Variants in MBD5 observed in about 807,000 individuals in gnomAD.
MBD5 encodes the protein methyl-CpG binding domain protein 5, also known as methyl-CpG-binding domain protein 5.
In MBD5, 13 loss-of-function variants were observed where a neutral mutation model predicts 117.3. The ratio of observed to expected loss-of-function variants is 0.11; its 90% CI spans 0.07 to 0.18. The LOEUF (loss-of-function observed/expected upper bound fraction) is 0.18, where lower values mean the gene tolerates loss of function less well. MBD5 is among the 10% of genes least tolerant of loss of function. The probability of loss-of-function intolerance (pLI) is 1.00; values close to 1 mark genes in which losing one functional copy is unlikely to be tolerated. For synonymous variants in MBD5, 727 were observed against 766.4 expected (o/e 0.95, Z 0.85); for missense variants, 1,879 against 2,093.8 (o/e 0.90, Z 2.00).
chr2:148,160,236 A>G (rs1303197151), intron 1 of MBD5, among the ~76,000 whole-genome samples: 1 of 152,182 alleles, frequency 6.6e-6, no homozygotes, highest in Non-Finnish European at 1.5e-5. Flanking sequence ...CGTCTCTACT[A>G]AAAATATAAA....
intron 3 of MBD5, among the ~76,000 whole-genome samples, chr2:148,258,834 GGT>G (rs1265196987): frequency 7.2e-5 from 11 of 152,170 alleles, no homozygotes; most frequent in Non-Finnish European, 1.5e-4. Flanking sequence ...CCCCCCTGTG[GGT>G]GGGGCATCTT....
At chr2:148,392,480 C>T (rs924344562) in intron 4 of MBD5, among the ~76,000 whole-genome samples, 6 of 152,148 alleles carry the variant, frequency 3.9e-5, no homozygotes, top group African/African-American at 7.2e-5. Flanking sequence ...TGAATTTTCA[C>T]GCACAATGCT....
At chr2:148,112,169 T>C (rs1286204420) in intron 1 of MBD5, among the ~76,000 whole-genome samples, 1 of 152,190 alleles carries the variant, frequency 6.6e-6, no homozygotes, top group African/African-American at 2.4e-5. Flanking sequence ...AATACTGTTA[T>C]TGGAACTTTT....
intron 1 of MBD5, among the ~76,000 whole-genome samples, chr2:148,056,682 A>G (rs2105795793): frequency 6.6e-6 from 1 of 152,170 alleles, no homozygotes; most frequent in Non-Finnish European, 1.5e-5. Context: ...ATTAGTTTAC[A>G]GATGTTTAGT....
chr2:148,207,411 C>G (rs1275977014), intron 2 of MBD5, among the ~76,000 whole-genome samples: 1 of 144,354 alleles, frequency 6.9e-6, no homozygotes, highest in Non-Finnish European at 1.5e-5. Flanking sequence ...TAACAAGAAA[C>G]AGGCACCAAA....
At chr2:148,075,984 T>C (rs539633844) in intron 1 of MBD5, among the ~76,000 whole-genome samples, 1 of 152,296 alleles carries the variant, frequency 6.6e-6, no homozygotes, top group East Asian at 1.9e-4. Context: ...CCACTAGTAA[T>C]TGGCCAACTT....
intron 3 of MBD5, among the ~76,000 whole-genome samples, chr2:148,257,009 G>A (rs1040226151): frequency 6.6e-5 from 10 of 152,206 alleles, no homozygotes; most frequent in African/African-American, 1.4e-4. Flanking sequence ...TCATCCACAC[G>A]ATGACTGCAC....
chr2:148,153,825 C>T (rs879787512), intron 1 of MBD5, among the ~76,000 whole-genome samples: 2,312 of 105,582 alleles, frequency 0.022, 40 homozygotes, highest in African/African-American at 0.054. Context: ...ATTGGTTATT[C>T]TAGTTATACA....
At chr2:148,088,119 C>G (rs757211478) in intron 1 of MBD5, among the ~76,000 whole-genome samples, 13 of 151,966 alleles carry the variant, frequency 8.6e-5, no homozygotes, top group African/African-American at 2.7e-4. Context: ...GAACTTCACA[C>G]GTTGAAGACA....
chr2:148,196,246 G>A (rs887128213), intron 2 of MBD5: 5 of 152,082 alleles, frequency 3.3e-5, no homozygotes, highest in African/African-American at 1.2e-4. Flanking sequence ...GTAATTTTTT[G>A]TAATAGTTCC....
intron 4 of MBD5, among the ~76,000 whole-genome samples, chr2:148,448,425 G>T (rs1706631853): frequency 6.6e-6 from 1 of 151,940 alleles, no homozygotes; most frequent in South Asian, 2.1e-4. Context: ...GGTTTCTTCA[G>T]TGGGTAAGGA....
At chr2:148,414,630 G>C (rs1304899692) in intron 4 of MBD5, among the ~76,000 whole-genome samples, 1 of 152,140 alleles carries the variant, frequency 6.6e-6, no homozygotes, top group African/African-American at 2.4e-5. Context: ...CTTGTTTTAT[G>C]AATCTGGGTG....
chr2:148,269,075 GACTT>G (rs1454177015), intron 3 of MBD5, among the ~76,000 whole-genome samples: 1 of 113,908 alleles, frequency 8.8e-6, no homozygotes, highest in East Asian at 4.1e-4. Context: ...TGAAATTAAA[GACTT>G]TCTTTCTCTA....
intron 4 of MBD5, among the ~76,000 whole-genome samples, chr2:148,432,607 C>T (rs1706024065): frequency 6.6e-6 from 1 of 152,084 alleles, no homozygotes; most frequent in Non-Finnish European, 1.5e-5. Flanking sequence ...ATCCCGTCAA[C>T]ATTTATTGAA....
chr2:148,399,354 G>T (rs1704841440), intron 4 of MBD5, among the ~76,000 whole-genome samples: 1 of 151,968 alleles, frequency 6.6e-6, no homozygotes, highest in Admixed American at 6.6e-5. Flanking sequence ...AGTTCTCCTT[G>T]AAGAGGTCCT....
At chr2:148,350,131 C>A (rs1446143547) in intron 4 of MBD5, among the ~76,000 whole-genome samples, 1 of 151,918 alleles carries the variant, frequency 6.6e-6, no homozygotes, top group Non-Finnish European at 1.5e-5. Context: ...TGGCTAGGAG[C>A]ACCAATGTCC....
chr2:148,244,952 A>C lies in MBD5; in HGVS notation c.-680+11557A>C, dbSNP rs1440312106. On this transcript the variant is annotated intron_variant, in intron 3 of 13. Transcript: ENST00000642680. The stretch of plus-strand genomic sequence containing the variant: ...GCCTACATTCCTGGAAATTATATGT[A>C]ATTGTTCTCCTTTGCCATCTTAAAC... Among the ~76,000 whole-genome samples the C allele has an allele frequency of 2.2e-5, 3 of 139,222 alleles. No individual in the cohort carries two copies. In the Admixed American group the frequency reaches 2.2e-4, roughly 10 times the overall value. 91.3% of individuals were successfully genotyped at this position (139,222 alleles called of 152,430 possible).
chr2:148,354,675 C>T (rs916127773), intron 4 of MBD5, among the ~76,000 whole-genome samples: 10 of 152,176 alleles, frequency 6.6e-5, no homozygotes, highest in Admixed American at 6.5e-4. Context: ...ATTCTAGCTC[C>T]TTGAGGAATC....
At chr2:148,367,673 G>A (rs955903641) in intron 4 of MBD5, among the ~76,000 whole-genome samples, 10 of 152,128 alleles carry the variant, frequency 6.6e-5, no homozygotes, top group African/African-American at 2.4e-4. Flanking sequence ...AGAAGTATAT[G>A]AACAGATATT....
Sources: allele counts gnomAD v4.1 joint callset (sites outside exome capture counted in the v4.1 genomes callset), GRCh38; gene constraint gnomAD v4.1.1; transcripts MANE v1.5; gene names NCBI Gene and HGNC (gene_info 2026-07-23, HGNC 2026-07-21).